RTN1: variants seen among roughly 807,000 people sequenced by gnomAD.
RTN1 encodes reticulon-1.
Under a neutral mutation model 65.5 loss-of-function variants are expected in RTN1, and 25 were observed. The ratio of observed to expected loss-of-function variants is 0.38; its 90% confidence interval spans 0.28 to 0.53. The LOEUF is 0.53. Ranked by LOEUF, RTN1 falls within the 20% of genes least tolerant of loss-of-function variation. The probability of loss-of-function intolerance (pLI) is 0.79; values close to 1 mark genes in which losing one functional copy is unlikely to be tolerated. For synonymous variants in RTN1, 471 were observed against 447.6 expected, an observed-to-expected ratio of 1.05 and a Z score of -0.66; for missense variants, 983 against 1,025.4, an observed-to-expected ratio of 0.96 and a Z score of 0.57.
At chr14:59,684,498 A>G (rs1883806043) in intron 3 of RTN1, among the ~76,000 whole-genome samples, 2 of 152,088 alleles carry the variant, frequency 1.3e-5, no homozygotes, top group African/African-American at 4.8e-5. Flanking sequence ...GTTTAGACTC[A>G]AAGAAAGGAA....
At chr14:59,783,387 C>G (rs1297288902) in intron 1 of RTN1, among the ~76,000 whole-genome samples, 1 of 152,034 alleles carries the variant, frequency 6.6e-6, no homozygotes, top group East Asian at 1.9e-4. Flanking sequence ...TACATTCATT[C>G]CTCAAGAGGC....
chr14:59,643,992 AACT>A (rs1453976091), intron 3 of RTN1, among the ~76,000 whole-genome samples: 1 of 152,202 alleles, frequency 6.6e-6, no homozygotes, highest in Non-Finnish European at 1.5e-5. Context: ...AATAAAAAGA[AACT>A]ACATTTAAAG....
chr14:59,799,033 T>G (rs1011327493), intron 1 of RTN1, among the ~76,000 whole-genome samples: 1 of 152,234 alleles, frequency 6.6e-6, no homozygotes, highest in Admixed American at 6.5e-5. Context: ...AAAAGTGTAT[T>G]AATTCATTTC....
chr14:59,763,512 C>G (rs904799578), intron 1 of RTN1, among the ~76,000 whole-genome samples: 14 of 149,480 alleles, frequency 9.4e-5, no homozygotes, highest in Non-Finnish European at 1.5e-4. Flanking sequence ...CAATTCATAA[C>G]AATAACACAA....
chr14:59,854,022 C>T (rs1474789137), intron 1 of RTN1, among the ~76,000 whole-genome samples: 1 of 151,748 alleles, frequency 6.6e-6, no homozygotes, highest in Non-Finnish European at 1.5e-5. Flanking sequence ...GAGCCACCAC[C>T]TCCGGCTAAT....
intron 3 of RTN1, among the ~76,000 whole-genome samples, chr14:59,671,020 A>G (rs745306724): frequency 1.1e-4 from 16 of 152,172 alleles, no homozygotes; most frequent in Non-Finnish European, 2.1e-4. Context: ...CACTATGACC[A>G]TCCATCACTC....
intron 3 of RTN1, among the ~76,000 whole-genome samples, chr14:59,669,571 GTTGTGCATA>G (rs1434389014): frequency 6.6e-6 from 1 of 151,962 alleles, no homozygotes; most frequent in Non-Finnish European, 1.5e-5. Context: ...AAACCTGCAT[GTTGTGCATA>G]TGTACCCTAG....
At chr14:59,702,271 G>A (rs1227437850) in intron 3 of RTN1, among the ~76,000 whole-genome samples, 1 of 152,198 alleles carries the variant, frequency 6.6e-6, no homozygotes, top group Non-Finnish European at 1.5e-5. Context: ...TGAATACACT[G>A]TACAATATGT....
intron 1 of RTN1, among the ~76,000 whole-genome samples, chr14:59,784,567 T>C (rs1399934504): frequency 4.6e-5 from 7 of 152,244 alleles, no homozygotes; most frequent in African/African-American, 1.7e-4. Flanking sequence ...CTTTTGGGTT[T>C]GGGTACTGTA....
chr14:59,816,530 A>G lies in RTN1; in HGVS notation c.241+53860T>C, dbSNP rs1183500102. Among the ~76,000 whole-genome samples the G allele has an allele frequency of 6.6e-6, 1 of 152,182 alleles. No individual in the cohort carries two copies. The highest frequency in any genetic ancestry group is 1.5e-5 in the Non-Finnish European group (1 of 68,032). On this transcript the variant is annotated intron_variant, in intron 1 of 8. Transcript: ENST00000267484. The surrounding 1 kb of genome is among the most constrained non-coding windows in gnomAD (Gnocchi z 4.3). Reference sequence around the variant, plus strand: ...TAATAAATATTTATTGCACATAGAAATGAGTTTTGAGATGGAGGATTCAAA... The same window carrying G: ...TAATAAATATTTATTGCACATAGAAGTGAGTTTTGAGATGGAGGATTCAAA...
intron 2 of RTN1, among the ~76,000 whole-genome samples, chr14:59,743,808 T>C (rs1179838258): frequency 6.6e-6 from 1 of 152,190 alleles, no homozygotes; most frequent in African/African-American, 2.4e-5. Flanking sequence ...GTCAGCACCG[T>C]ACAATTCCCT....
intron 3 of RTN1, among the ~76,000 whole-genome samples, chr14:59,693,968 G>T (rs764850554): frequency 1.6e-4 from 25 of 152,174 alleles, no homozygotes; most frequent in Non-Finnish European, 3.2e-4. Context: ...TTTTCTGCTG[G>T]ACTCAGAACC....
At chr14:59,848,329 T>C (rs556450247) in intron 1 of RTN1, among the ~76,000 whole-genome samples, 1 of 152,348 alleles carries the variant, frequency 6.6e-6, no homozygotes, top group East Asian at 1.9e-4. Context: ...CATTTTATTA[T>C]ATAAATTCTC....
rs996954601 is a variant in RTN1, at chr14:59,766,097, G to A, written c.242-19616C>T. Among the ~76,000 whole-genome samples the A allele has an allele frequency of 1.3e-5, 2 of 152,128 alleles. No homozygotes were observed. Among genetic ancestry groups the A allele is most frequent in the Non-Finnish European group, 2.9e-5 (2 of 68,024 alleles). On this transcript the variant is annotated intron_variant, in intron 1 of 8. Transcript: ENST00000267484. The surrounding 1 kb of genome is among the most constrained non-coding windows in gnomAD (Gnocchi z 4.4). Reference sequence around the variant, plus strand: ...ATACAAAAATTAGTCGGGCTTGGTGGTACACACTTGTAGTCCCAGCTACTT... The same window carrying A: ...ATACAAAAATTAGTCGGGCTTGGTGATACACACTTGTAGTCCCAGCTACTT...
intron 2 of RTN1, among the ~76,000 whole-genome samples, chr14:59,732,544 G>C (rs1884921112): frequency 6.6e-6 from 1 of 152,168 alleles, no homozygotes; most frequent in Non-Finnish European, 1.5e-5. Flanking sequence ...GAAGCAGTGA[G>C]TGACTGTGTG....
chr14:59,730,218 C>T lies in RTN1; in HGVS notation c.1016-2550G>A, dbSNP rs142182446. Among the ~76,000 whole-genome samples, 10 of 152,296 alleles carry T rather than the reference C, an allele frequency of 6.6e-5. 1 individual carries two copies. In the East Asian group the frequency reaches 1.9e-3, roughly 29 times the overall value. ...ATGCATGTCTATTTCATGTGTTTTA[C>T]ACTATATCATGCTACATCTTTTTAA... is the stretch of plus-strand genomic sequence containing the variant. On this transcript the variant is annotated intron_variant, in intron 2 of 8. Coordinates refer to ENST00000267484, the MANE Select transcript of RTN1 (RefSeq NM_021136.3).
intron 1 of RTN1, among the ~76,000 whole-genome samples, chr14:59,810,745 T>C (rs150544478): frequency 8.7e-4 from 132 of 152,270 alleles, no homozygotes; most frequent in African/African-American, 3.1e-3. Flanking sequence ...TCAATATTCA[T>C]AGGAGTCAGC....
chr14:59,657,980 G>A (rs528739666), intron 3 of RTN1, among the ~76,000 whole-genome samples: 28 of 152,356 alleles, frequency 1.8e-4, no homozygotes, highest in African/African-American at 6.3e-4. Flanking sequence ...AGCCCAGCAA[G>A]CTAAGATTTC....
chr14:59,610,092 T>C (rs768908533), intron 3 of RTN1: 3 of 775,806 alleles, frequency 3.9e-6, no homozygotes, highest in Non-Finnish European at 7.2e-6. Context: ...TATTTTCAAG[T>C]GAATCCCCTC....
Sources: gnomAD v4.1 joint callset for allele counts (sites outside exome capture counted in the v4.1 genomes callset) on GRCh38, gnomAD v4.1.1 for gene constraint, Gnocchi (gnomAD v3.1) non-coding constraint, MANE v1.5 for transcripts, NCBI Gene and HGNC (gene_info 2026-07-23, HGNC 2026-07-21) for gene names.